NUP205: variants seen among roughly 807,000 people sequenced by gnomAD.
NUP205 encodes nuclear pore complex protein Nup205.
Under a neutral mutation model 253.8 loss-of-function variants are expected in NUP205, and 76 were observed. The ratio of observed to expected loss-of-function variants is 0.30; its 90% CI spans 0.25 to 0.36. The LOEUF (loss-of-function observed/expected upper bound fraction) is 0.36, where lower values mean the gene tolerates loss of function less well. Ranked by LOEUF, NUP205 falls within the 10% of genes least tolerant of loss-of-function variation. The pLI is 1.00. For synonymous variants in NUP205, 832 were observed against 850.1 expected (o/e 0.98, Z 0.37); for missense variants, 2,162 against 2,425.5 (o/e 0.89, Z 2.28).
chr7:135,627,428 A>G (rs1308099860), intron 33 of NUP205, among the ~76,000 whole-genome samples: 3 of 152,196 alleles, frequency 2.0e-5, no homozygotes, highest in African/African-American at 7.2e-5. Flanking sequence ...GGAAATGCCC[A>G]TTGGAGCAAT....
chr7:135,645,777 G>A, intron 41 of NUP205, 181 bp downstream of exon 41: 1 of 628,962 alleles, frequency 1.6e-6, no homozygotes, highest in Non-Finnish European at 2.7e-6. Flanking sequence ...GGGACATTGT[G>A]CTGAGCATAA....
chr7:135,592,175 G>T (rs984894430), intron 11 of NUP205, among the ~76,000 whole-genome samples: 2 of 152,198 alleles, frequency 1.3e-5, no homozygotes, highest in African/African-American at 4.8e-5. Context: ...GCTGAAATCG[G>T]CTTGGCTCCA....
At chr7:135,604,966 A>G (rs1185214988) in intron 19 of NUP205, among the ~76,000 whole-genome samples, 4 of 151,432 alleles carry the variant, frequency 2.6e-5, no homozygotes, top group African/African-American at 7.3e-5. Flanking sequence ...AATACCTACA[A>G]TTGCGGAATC....
In NUP205 at chr7:135,643,297, A is replaced by G. The variant is rs1237988058; in HGVS notation, c.5498A>G (p.His1833Arg). ...GATTTCTTCAGCTATTATGACAGTC[A>G]TCGACAGAGTGTCAGCAAGCTACAA... is the stretch of plus-strand genomic sequence containing the variant. ...ANDFFSYYDSHRQSVSKLQNV... is the reference protein window; with the variant it reads ...ANDFFSYYDSRRQSVSKLQNV... Residue 1833 changes from histidine to arginine, a missense_variant, in exon 39 of 43, where the codon CAT becomes CGT. Physicochemically the swap from His to Arg is conservative, Grantham distance 29. Around this residue, in one of 5 missense-constraint regions of NUP205, gnomAD observed 1,144 missense variants for 1,280.9 expected, o/e 0.89. Coordinates refer to ENST00000285968, the MANE Select transcript of NUP205 (RefSeq NM_015135.3). 6.2e-7 allele frequency: 1 copy of G among 1,614,016 alleles called. No homozygotes were observed. Among genetic ancestry groups the G allele is most frequent in the Non-Finnish European group, 8.5e-7 (1 of 1,179,970 alleles).
At chr7:135,600,837 T>C (rs1412390735) in intron 15 of NUP205, 33 bp from the exon 16 acceptor site, 1 of 1,350,636 alleles carries the variant, frequency 7.4e-7, no homozygotes, top group Admixed American at 1.8e-5. Context: ...TGGTCTGTTT[T>C]ATTGTTATTG....
In NUP205 at chr7:135,627,719, C is replaced by G. The variant is rs79571749; in HGVS notation, c.4794-254C>G. 0.039 allele frequency among the ~76,000 whole-genome samples: 5,978 copies of G among 152,226 alleles called. 226 individuals are homozygous for G. Among genetic ancestry groups the G allele is most frequent in the African/African-American group, 0.098 (4,086 of 41,522 alleles). On this transcript the variant is annotated intron_variant, in intron 33 of 42. Transcript: ENST00000285968. The stretch of plus-strand genomic sequence containing the variant: ...ATGTTTTGGAAGTTTCAAGCATTAT[C>G]TTGTCAAATTACATAGGTTTTCCTC...
chr7:135,576,426 T>A lies in NUP205; in HGVS notation c.488+12T>A, dbSNP rs780457326. The A allele has an allele frequency of 2.5e-6, 4 of 1,601,110 alleles. No individual in the cohort carries two copies. Among genetic ancestry groups the A allele is most frequent in the Non-Finnish European group, 3.4e-6 (4 of 1,174,772 alleles). On this transcript the variant is annotated intron_variant, in intron 4 of 42. Transcript: ENST00000285968. ...ACCCTAGAACTCAGGTCTTTTTACT[T>A]CTTGGGATTTCAGGGGTTAATTTGA...
At chr7:135,624,640 A>G (rs6467602) in intron 31 of NUP205, among the ~76,000 whole-genome samples, 122,039 of 151,946 alleles carry the variant, frequency 0.8, 49,418 homozygotes, top group Middle Eastern at 0.94. Flanking sequence ...GCCTCCCAAA[A>G]TGCTGGGATT....
chr7:135,645,078 T>C (rs1794981398), intron 40 of NUP205, 60 bp downstream of exon 40: 5 of 1,581,622 alleles, frequency 3.2e-6, no homozygotes, highest in African/African-American at 2.7e-5. Flanking sequence ...ACTGTTCACT[T>C]ATTCTCATAT....
intron 26 of NUP205, 47 bp downstream of exon 26, chr7:135,617,294 A>ACT (rs1794383226): frequency 1.3e-6 from 2 of 1,534,464 alleles, no homozygotes; most frequent in Non-Finnish European, 1.8e-6. Context: ...AGTGGCTCAG[A>ACT]CTTTAAGTCA....
At chr7:135,563,278 C>T (rs1419950998) in intron 1 of NUP205, among the ~76,000 whole-genome samples, 6 of 152,114 alleles carry the variant, frequency 3.9e-5, no homozygotes, top group Non-Finnish European at 8.8e-5. Flanking sequence ...GCCTCCGCCT[C>T]CTGGGTTCAA....
In NUP205 at chr7:135,638,638, A is replaced by G. The variant is rs1329696497; in HGVS notation, c.5347A>G (p.Thr1783Ala). 6.2e-7 allele frequency: 1 copy of G among 1,613,816 alleles called. No individual in the cohort carries two copies. Among genetic ancestry groups the G allele is most frequent in the Admixed American group, 1.7e-5 (1 of 59,958 alleles). Residue 1783 changes from threonine (T) to alanine (A), a missense_variant, in exon 38 of 43, where the codon ACT becomes GCT. By Grantham distance (58) the Thr-to-Ala change is moderately conservative. Transcript: ENST00000285968. ...PTFQHAVCLF[T>A]PSLSETVNRD... ...CTTCCAGCATGCTGTGTGTCTCTTC[A>G]CTCCTAGCCTTTCAGAAACAGTTAA... is the stretch of plus-strand genomic sequence containing the variant.
chr7:135,602,947 A>C lies in NUP205; in HGVS notation c.2655A>C (p.Gly885=). ...GTCCTTTAGAACAGCTTTTGCAGGG[A>C]ATTAATCCCAGAACTAAGAAGGCAG... ...IVCPLEQLLQ[G]INPRTKKADN... is the part of the protein sequence containing the mutation. Residue 885 remains glycine, a synonymous_variant, in exon 18 of 43, where the codon GGA becomes GGC. Coordinates refer to ENST00000285968, the MANE Select transcript of NUP205 (RefSeq NM_015135.3). The C allele has an allele frequency of 6.2e-7, 1 of 1,613,648 alleles. No homozygotes were observed.
intron 1 of NUP205, among the ~76,000 whole-genome samples, chr7:135,563,651 G>T (rs1805659110): frequency 1.3e-5 from 2 of 151,972 alleles, no homozygotes. Flanking sequence ...AAACTACATG[G>T]TAAAAATACA....
At position 135,566,108 on chromosome 7, in the gene NUP205, GTTTA is replaced by G. The variant is rs778053807; in HGVS notation, c.29-4989_29-4986del. 7.0e-4 allele frequency among the ~76,000 whole-genome samples: 106 copies of G among 152,082 alleles called. 1 individual carries two copies. The highest frequency in any genetic ancestry group is 2.9e-3 in the South Asian group (14 of 4,810). On this transcript the variant is annotated intron_variant, in intron 1 of 42. Coordinates refer to ENST00000285968, the MANE Select transcript of NUP205 (RefSeq NM_015135.3). ...GTTATTGCTCTTTTTTATTTTATTT[GTTTA>G]TTTATTTGTTTTTTGAGACAGAGGC...
intron 3 of NUP205, among the ~76,000 whole-genome samples, chr7:135,574,133 C>T (rs985359960): frequency 2.0e-5 from 3 of 152,038 alleles, no homozygotes; most frequent in African/African-American, 7.2e-5. Context: ...CCACCATGCC[C>T]GGCTATCCTT....
In NUP205 at chr7:135,630,349, G is replaced by A. The variant is rs981177758; in HGVS notation, c.4938G>A (p.Leu1646=). The change falls in exon 35 of 43, where the codon TTG becomes TTA. Residue 1646 remains leucine, a synonymous_variant. Coordinates refer to ENST00000285968, the MANE Select transcript of NUP205 (RefSeq NM_015135.3). ...AQHLQAAGQV[L]QFLISHSDTI... ...CTTCCTTTTCAATGGCTTAGGTATT[G>A]CAGTTTCTTATTTCACATTCTGATA... is the stretch of plus-strand genomic sequence containing the variant. The A allele has an allele frequency of 3.2e-6, 5 of 1,582,612 alleles. No homozygotes were observed. The South Asian group carries it at 3.5e-5, about 11-fold the overall frequency.
At chr7:135,604,979 C>G (rs953348355) in intron 19 of NUP205, among the ~76,000 whole-genome samples, 15 of 148,430 alleles carry the variant, frequency 1.0e-4, no homozygotes, top group African/African-American at 3.5e-4. Flanking sequence ...GCGGAATCTG[C>G]TTTTTTTTTT....
chr7:135,614,272 A>G lies in NUP205; in HGVS notation c.3309A>G (p.Lys1103=), dbSNP rs761140574. 15 of 1,476,696 alleles carry G rather than the reference A, an allele frequency of 1.0e-5. No homozygotes were observed. Among genetic ancestry groups the G allele is most frequent in the Admixed American group, 1.7e-5 (1 of 59,640 alleles). 91.5% of individuals were successfully genotyped at this position (1,476,696 alleles called of 1,614,324 possible). A position where few individuals can be genotyped will look rare whatever the true frequency, so the allele number is the denominator to read the frequency against. The part of the protein sequence containing the change: ...SQLQYLPFSN[K]EYEISMLNQM... ...TGCAGTATCTACCATTTTCTAACAA[A>G]GGTAGGCCATTATTTTCCCGTATTT... Residue 1103 remains lysine, a splice_region_variant and synonymous_variant, in exon 23 of 43, where the codon AAA becomes AAG. Coordinates refer to ENST00000285968, the MANE Select transcript of NUP205 (RefSeq NM_015135.3).
Sources: gnomAD v4.1 joint callset for allele counts (sites outside exome capture counted in the v4.1 genomes callset) on GRCh38, gnomAD v4.1.1 for gene constraint, gnomAD v4.1.1 regional missense constraint, MANE v1.5 for transcripts, NCBI Gene and HGNC (gene_info 2026-07-23, HGNC 2026-07-21) for gene names.